The following GRIP1 variants were observed in gnomAD, a reference collection of about 807,000 sequenced individuals.
GRIP1 encodes the protein glutamate receptor-interacting protein 1.
A neutral mutation model predicts 129.9 loss-of-function variants in GRIP1; 45 were observed. That is an observed-to-expected ratio of 0.35 (90% confidence interval 0.27 to 0.44). GRIP1 has a LOEUF of 0.44. GRIP1 is among the 20% of genes least tolerant of loss of function. The pLI, the probability that GRIP1 is intolerant of heterozygous loss-of-function variation, is 1.00. For synonymous variants in GRIP1, 530 were observed against 520.8 expected, an observed-to-expected ratio of 1.02 and a Z score of -0.24; for missense variants, 1,196 against 1,396.8, an observed-to-expected ratio of 0.86 and a Z score of 2.29.
At chr12:66,887,085 G>A (rs2040578206) in intron 1 of GRIP1, among the ~76,000 whole-genome samples, 1 of 152,298 alleles carries the variant, frequency 6.6e-6, no homozygotes, top group Non-Finnish European at 1.5e-5. Flanking sequence ...TTAAAACTGT[G>A]GTGCATGAAC....
intron 1 of GRIP1, among the ~76,000 whole-genome samples, chr12:66,909,310 G>A (rs2040990388): frequency 6.6e-6 from 1 of 152,168 alleles, no homozygotes; most frequent in Admixed American, 6.5e-5. Context: ...TATGAATAAT[G>A]AGAGAAGGTC....
At chr12:66,868,799 A>G (rs544284925) in intron 1 of GRIP1, among the ~76,000 whole-genome samples, 1 of 152,308 alleles carries the variant, frequency 6.6e-6, no homozygotes, top group East Asian at 1.9e-4. Context: ...CATATTGGAC[A>G]TAAATAAATC....
At chr12:66,955,880 T>C (rs1461252854) in intron 1 of GRIP1, among the ~76,000 whole-genome samples, 1 of 152,246 alleles carries the variant, frequency 6.6e-6, no homozygotes, top group Non-Finnish European at 1.5e-5. Context: ...GCATATTACC[T>C]GTTTTATTCA....
intron 7 of GRIP1, among the ~76,000 whole-genome samples, chr12:66,466,115 A>G (rs1381709784): frequency 6.6e-6 from 1 of 152,054 alleles, no homozygotes; most frequent in African/African-American, 2.4e-5. Flanking sequence ...TGTTCCTTCA[A>G]CTCCTTCTAA....
At chr12:66,976,394 A>ATTAT (rs1196234368) in intron 1 of GRIP1, among the ~76,000 whole-genome samples, 3 of 152,194 alleles carry the variant, frequency 2.0e-5, no homozygotes, top group Admixed American at 2.0e-4. Context: ...GCTGGTCTTT[A>ATTAT]TTATTTGGCT....
chr12:66,684,682 T>C (rs947616591), intron 1 of GRIP1, among the ~76,000 whole-genome samples: 3 of 151,986 alleles, frequency 2.0e-5, no homozygotes, highest in African/African-American at 7.2e-5. Context: ...CTGTGTCTAC[T>C]AAAAACACAA....
intron 5 of GRIP1, among the ~76,000 whole-genome samples, chr12:66,523,129 C>A (rs1405016948): frequency 6.6e-6 from 1 of 151,406 alleles, no homozygotes. Flanking sequence ...AGGAGAACTT[C>A]CCCAATCTAG....
At chr12:66,499,152 T>A (rs987562) in intron 7 of GRIP1, among the ~76,000 whole-genome samples, 105,791 of 152,112 alleles carry the variant, frequency 0.7, 37,708 homozygotes, top group African/African-American at 0.86. Context: ...TTTATTGTCC[T>A]CTTAAGTTGC....
At chr12:66,892,501 A>G (rs1383522367) in intron 1 of GRIP1, among the ~76,000 whole-genome samples, 1 of 152,204 alleles carries the variant, frequency 6.6e-6, no homozygotes, top group Non-Finnish European at 1.5e-5. Context: ...ACCATAGTAC[A>G]TCACACAGCT....
At chr12:66,950,753 A>G (rs909736262) in intron 1 of GRIP1, among the ~76,000 whole-genome samples, 9 of 152,176 alleles carry the variant, frequency 5.9e-5, no homozygotes, top group African/African-American at 2.2e-4. Context: ...ACACATTAAT[A>G]TTCAATTTTA....
chr12:66,446,049 T>C lies in GRIP1; in HGVS notation c.1355-541A>G, dbSNP rs140661018. ...GCTGGTCCTCAACCTTAATCTAGTG[T>C]TGGGTTGGCATGATGACATTGTTTA... On this transcript the variant is annotated intron_variant, in intron 11 of 24. Transcript: ENST00000359742. Among the ~76,000 whole-genome samples the C allele has an allele frequency of 2.1e-3, 318 of 152,216 alleles. 1 individual carries two copies. The highest frequency in any genetic ancestry group is 0.01 in the Middle Eastern group (3 of 294).
intron 1 of GRIP1, among the ~76,000 whole-genome samples, chr12:66,601,601 C>A (rs1487925142): frequency 6.6e-6 from 1 of 152,164 alleles, no homozygotes; most frequent in Non-Finnish European, 1.5e-5. Flanking sequence ...CAATTCCTAG[C>A]AACTAATTAT....
intron 1 of GRIP1, among the ~76,000 whole-genome samples, chr12:67,047,725 C>T (rs2043276508): frequency 6.6e-6 from 1 of 152,150 alleles, no homozygotes; most frequent in Non-Finnish European, 1.5e-5. Context: ...ATGGGCAATG[C>T]CATATTCTAT....
chr12:66,673,698 T>C (rs902322947), intron 1 of GRIP1, among the ~76,000 whole-genome samples: 5 of 152,146 alleles, frequency 3.3e-5, no homozygotes, highest in Admixed American at 2.0e-4. Flanking sequence ...CCTCAAAGCA[T>C]GGGCTAGAAG....
chr12:66,565,452 C>A (rs1425451056), intron 2 of GRIP1, among the ~76,000 whole-genome samples: 1 of 152,200 alleles, frequency 6.6e-6, no homozygotes, highest in Non-Finnish European at 1.5e-5. Flanking sequence ...GGTACTATTT[C>A]TGAGGGCTCT....
intron 1 of GRIP1, among the ~76,000 whole-genome samples, chr12:66,824,752 G>C (rs1319475751): frequency 6.6e-6 from 1 of 152,036 alleles, no homozygotes; most frequent in African/African-American, 2.4e-5. Flanking sequence ...GAAATAAGAA[G>C]GCTAGAAAAA....
chr12:67,052,493 C>T (rs1168995013), intron 1 of GRIP1, among the ~76,000 whole-genome samples: 1 of 152,160 alleles, frequency 6.6e-6, no homozygotes, highest in Admixed American at 6.5e-5. Flanking sequence ...GGCGCAGTGA[C>T]TCATGCCTGT....
At chr12:66,885,836 T>C (rs1303505007) in intron 1 of GRIP1, among the ~76,000 whole-genome samples, 1 of 152,164 alleles carries the variant, frequency 6.6e-6, no homozygotes, top group Non-Finnish European at 1.5e-5. Context: ...CCTTGTTACC[T>C]TGAATGGGCA....
intron 1 of GRIP1, among the ~76,000 whole-genome samples, chr12:66,657,434 G>A (rs2033230027): frequency 6.6e-6 from 1 of 152,184 alleles, no homozygotes; most frequent in Admixed American, 6.5e-5. Context: ...GGCAGGGACT[G>A]GCTGGCTTTA....
Sources: allele counts gnomAD v4.1 joint callset (sites outside exome capture counted in the v4.1 genomes callset), GRCh38; gene constraint gnomAD v4.1.1; transcripts MANE v1.5; gene names NCBI Gene and HGNC (gene_info 2026-07-23, HGNC 2026-07-21).